The following TLL2 variants were observed in gnomAD, a reference collection of about 807,000 sequenced individuals.
TLL2 encodes the protein tolloid-like protein 2.
In TLL2, 106 loss-of-function variants were observed where a neutral mutation model predicts 123.0. The ratio of observed to expected loss-of-function variants is 0.86; its 90% CI spans 0.74 to 1.01. TLL2 has a LOEUF of 1.01. Among genes scored for constraint, TLL2 ranks in the 50% least tolerant of loss-of-function variants. The probability of loss-of-function intolerance (pLI) is 0.00; values close to 1 mark genes in which losing one functional copy is unlikely to be tolerated. For missense variants in TLL2, 1,332 were observed against 1,336.7 expected (o/e 1.00, Z 0.06); for synonymous variants, 494 against 516.8 (o/e 0.96, Z 0.60).
chr10:96,494,534 G>A (rs1343513669), intron 1 of TLL2, among the ~76,000 whole-genome samples: 3 of 152,190 alleles, frequency 2.0e-5, no homozygotes, highest in Non-Finnish European at 2.9e-5. Flanking sequence ...TCATCAACCA[G>A]GACACTTCCT....
intron 13 of TLL2, among the ~76,000 whole-genome samples, chr10:96,389,303 A>G (rs1337999984): frequency 6.6e-6 from 1 of 152,214 alleles, no homozygotes; most frequent in Non-Finnish European, 1.5e-5. Flanking sequence ...AGTACCCGGC[A>G]TACAGACCAT....
At chr10:96,459,693 A>T (rs1325262739) in intron 2 of TLL2, among the ~76,000 whole-genome samples, 1,233 of 58,436 alleles carry the variant, frequency 0.021, 33 homozygotes, top group Non-Finnish European at 0.033. Context: ...AAAAAAAAAA[A>T]AAAAAAAAAA....
chr10:96,370,102 C>T lies in TLL2; in HGVS notation c.2876G>A (p.Ser959Asn). The part of the protein sequence containing the change: ...DYMEAYDGYD[S>N]SAPRLGRFCG... ...GAAGCGGCCGAGCCTGGGCGCTGAG[C>T]TGTCGTAGCCGTCGTAGGCTTCCAT... The change falls in exon 20 of 21, where the codon AGC (serine) becomes AAC (asparagine). Residue 959 changes from serine (S) to asparagine (N), a missense_variant. Physicochemically the swap from Ser to Asn is conservative, Grantham distance 46. Coordinates refer to ENST00000357947, the MANE Select transcript of TLL2 (RefSeq NM_012465.4). 6.2e-7 allele frequency: 1 copy of T among 1,610,638 alleles called. No individual in the cohort carries two copies. The highest frequency in any genetic ancestry group is 1.1e-5 in the South Asian group (1 of 90,418).
intron 2 of TLL2, among the ~76,000 whole-genome samples, chr10:96,479,774 C>T (rs891837611): frequency 2.0e-5 from 3 of 152,250 alleles, no homozygotes; most frequent in Non-Finnish European, 4.4e-5. Context: ...CAGCCCACCC[C>T]AAAGGGCTGC....
At chr10:96,427,782 G>T (rs570864848) in intron 5 of TLL2, among the ~76,000 whole-genome samples, 10 of 151,812 alleles carry the variant, frequency 6.6e-5, no homozygotes, top group Admixed American at 2.6e-4. Flanking sequence ...GGTTTTTTTT[G>T]TTGTTGTTGT....
chr10:96,369,257 TC>T (rs1846055847), intron 20 of TLL2, among the ~76,000 whole-genome samples: 1 of 152,170 alleles, frequency 6.6e-6, no homozygotes, highest in Non-Finnish European at 1.5e-5. Flanking sequence ...AAGCCCAGTG[TC>T]AGGTGCTGGA....
chr10:96,382,994 G>C (rs1846199499), intron 16 of TLL2, among the ~76,000 whole-genome samples: 1 of 151,114 alleles, frequency 6.6e-6, no homozygotes, highest in Non-Finnish European at 1.5e-5. Flanking sequence ...GGATATTCCA[G>C]GGAGAGGGAA....
At position 96,434,016 on chromosome 10, in the gene TLL2, C is replaced by A. The variant is rs1846770114; in HGVS notation, c.365-1054G>T. Reference sequence around the variant, plus strand: ...TCTCGAACTCCTGACCTCAAGTGATCCACCCGCCTAGGCCTCCCAAAGTGC... The same window carrying A: ...TCTCGAACTCCTGACCTCAAGTGATACACCCGCCTAGGCCTCCCAAAGTGC... On this transcript the variant is annotated intron_variant, in intron 3 of 20. Transcript: ENST00000357947. Among the ~76,000 whole-genome samples the A allele has an allele frequency of 2.0e-5, 3 of 152,142 alleles. No individual in the cohort carries two copies. The South Asian group carries it at 6.2e-4, about 32-fold the overall frequency.
At chr10:96,390,094 C>A (rs1200060424) in intron 13 of TLL2, among the ~76,000 whole-genome samples, 16 of 152,390 alleles carry the variant, frequency 1.0e-4, no homozygotes, top group Admixed American at 3.3e-4. Flanking sequence ...GTAGAAGAGA[C>A]TGGAAGCAGC....
At chr10:96,509,187 G>C (rs1309109812) in intron 1 of TLL2, among the ~76,000 whole-genome samples, 1 of 152,164 alleles carries the variant, frequency 6.6e-6, no homozygotes. Context: ...CCCACTTGTT[G>C]AGTCACCCCA....
intron 17 of TLL2, among the ~76,000 whole-genome samples, chr10:96,378,184 T>C (rs1554931247): frequency 1.3e-5 from 2 of 152,256 alleles, no homozygotes; most frequent in Non-Finnish European, 2.9e-5. Flanking sequence ...CCCAGCCAAA[T>C]CTCCTAAATC....
intron 1 of TLL2, among the ~76,000 whole-genome samples, chr10:96,500,138 C>T (rs1281958120): frequency 3.1e-5 from 3 of 96,036 alleles, no homozygotes; most frequent in Admixed American, 2.4e-4. Context: ...AAAAAAAAAT[C>T]TCTACCAAAA....
chr10:96,376,983 G>A (rs1417858754), intron 17 of TLL2, among the ~76,000 whole-genome samples, 164 bp from the exon 18 acceptor site: 3 of 152,244 alleles, frequency 2.0e-5, no homozygotes, highest in Non-Finnish European at 2.9e-5. Flanking sequence ...GCTCAGGGAT[G>A]TGCTGGTTTA....
chr10:96,465,944 T>A lies in TLL2; in HGVS notation c.286+14405A>T, dbSNP rs369053415. On this transcript the variant is annotated intron_variant, in intron 2 of 20. Transcript: ENST00000357947. ...TTTTATGAGAAATCTGATTTTTAAA[T>A]GTTGGCAGTAAATTAAAAAGATGTA... Among the ~76,000 whole-genome samples the A allele has an allele frequency of 2.4e-3, 359 of 152,334 alleles. 13 individuals are homozygous for A. In the South Asian group the frequency reaches 0.071, roughly 30 times the overall value.
intron 2 of TLL2, among the ~76,000 whole-genome samples, chr10:96,461,317 G>T (rs983964883): frequency 5.9e-5 from 9 of 152,032 alleles, no homozygotes; most frequent in African/African-American, 2.2e-4. Flanking sequence ...GTCCAGTGTG[G>T]GAGAAAGAGG....
At chr10:96,473,679 C>T (rs188644685) in intron 2 of TLL2, among the ~76,000 whole-genome samples, 1 of 152,316 alleles carries the variant, frequency 6.6e-6, no homozygotes, top group African/African-American at 2.4e-5. Flanking sequence ...AGGCGGGAAA[C>T]ATCAACTTCC....
intron 2 of TLL2, among the ~76,000 whole-genome samples, chr10:96,450,676 A>G (rs1420082181): frequency 6.6e-6 from 1 of 152,178 alleles, no homozygotes. Flanking sequence ...CCGTTTCAAT[A>G]AAAACTGGCA....
chr10:96,484,630 C>CAT (rs1554940442), intron 1 of TLL2, among the ~76,000 whole-genome samples: 1 of 144,408 alleles, frequency 6.9e-6, no homozygotes, highest in Non-Finnish European at 1.5e-5. Flanking sequence ...CACACACACA[C>CAT]CATGGCTTTC....
rs1264529793 is a variant in TLL2 at position 96,493,993 on chromosome 10, C to T, written c.176-13534G>A. Among the ~76,000 whole-genome samples the T allele has an allele frequency of 5.3e-5, 8 of 152,192 alleles. No homozygotes were observed. The South Asian group carries it at 8.3e-4, about 16-fold the overall frequency. On this transcript the variant is annotated intron_variant, in intron 1 of 20. Coordinates refer to ENST00000357947, the MANE Select transcript of TLL2 (RefSeq NM_012465.4). ...CCTTTTGGCTCCAAGACTCAGAGCT[C>T]GGTTCACTGCCCTGCACAGGATGCT...
Sources: gnomAD v4.1 joint callset for allele counts (sites outside exome capture counted in the v4.1 genomes callset) on GRCh38, gnomAD v4.1.1 for gene constraint, MANE v1.5 for transcripts, NCBI Gene and HGNC (gene_info 2026-07-23, HGNC 2026-07-21) for gene names.